Variants in SNX7 observed in about 807,000 individuals in gnomAD.
SNX7 encodes the protein sorting nexin 7.
In SNX7, 35 loss-of-function variants were observed where a neutral mutation model predicts 48.4. The ratio of observed to expected loss-of-function variants is 0.72; its 90% CI spans 0.55 to 0.96. The LOEUF (loss-of-function observed/expected upper bound fraction) is 0.96, where lower values mean the gene tolerates loss of function less well. Ranked by LOEUF, SNX7 falls within the 40% of genes least tolerant of loss-of-function variation. The probability of loss-of-function intolerance (pLI) is 0.00; values close to 1 mark genes in which losing one functional copy is unlikely to be tolerated. For synonymous variants in SNX7, 190 were observed against 190.2 expected (o/e 1.00, Z 0.01); for missense variants, 553 against 548.9 (o/e 1.01, Z -0.07).
chr1:98,667,317 T>G (rs1649587993), intron 1 of SNX7, among the ~76,000 whole-genome samples: 1 of 152,180 alleles, frequency 6.6e-6, no homozygotes, highest in African/African-American at 2.4e-5. Context: ...GAAAGCTCCA[T>G]TAGTCATTGT....
At chr1:98,716,250 A>G (rs1430318503) in intron 7 of SNX7, among the ~76,000 whole-genome samples, 1 of 151,978 alleles carries the variant, frequency 6.6e-6, no homozygotes, top group African/African-American at 2.4e-5. Flanking sequence ...CTGTTTCCCC[A>G]TGGTAGGTTT....
intron 5 of SNX7, among the ~76,000 whole-genome samples, chr1:98,696,355 A>G (rs1209885533): frequency 6.6e-6 from 1 of 152,120 alleles, no homozygotes. Context: ...GACAAACAAA[A>G]GTTCCTAAGT....
intron 5 of SNX7, among the ~76,000 whole-genome samples, chr1:98,697,057 A>G (rs9324400): frequency 0.26 from 39,175 of 151,974 alleles, 5,438 homozygotes; most frequent in South Asian, 0.31. Flanking sequence ...AAACATAAAT[A>G]TTGTTCAGGT....
chr1:98,721,164 C>T lies in SNX7; in HGVS notation c.1126-17073C>T, dbSNP rs189367579. ...AAATCTGGTACTTTTTGAGTACTGA[C>T]ATGACGCTCACAGGAATGCTCTTTG... On this transcript the variant is annotated intron_variant, in intron 7 of 8. Coordinates refer to ENST00000306121, the MANE Select transcript of SNX7 (RefSeq NM_015976.5). 1.6e-3 allele frequency among the ~76,000 whole-genome samples: 242 copies of T among 152,184 alleles called. 3 individuals carry two copies. Among genetic ancestry groups the T allele is most frequent in the African/African-American group, 5.5e-3 (230 of 41,554 alleles).
In SNX7 at chr1:98,760,112, C is replaced by T. The variant is rs779694977; in HGVS notation, c.1337C>T (p.Ala446Val). The T allele has an allele frequency of 6.2e-7, 1 of 1,608,954 alleles. No homozygotes were observed. The change falls in exon 9 of 9, where the codon GCC becomes GTC. Residue 446 changes from alanine to valine, a missense_variant. Physicochemically the swap from Ala to Val is moderately conservative, Grantham distance 64 (BLOSUM62 0). Coordinates refer to ENST00000306121, the MANE Select transcript of SNX7 (RefSeq NM_015976.5). Reference protein sequence around the residue: ...TSQTNLHLEEASEDKP With the variant: ...TSQTNLHLEEVSEDKP Reference sequence around the variant, plus strand: ...CAGACCAACCTTCACTTGGAAGAAGCCTCTGAAGATAAACCTTAATCCCAT... The same window carrying T: ...CAGACCAACCTTCACTTGGAAGAAGTCTCTGAAGATAAACCTTAATCCCAT...
chr1:98,706,722 T>C (rs1277570875), intron 7 of SNX7, among the ~76,000 whole-genome samples: 1 of 151,844 alleles, frequency 6.6e-6, no homozygotes, highest in Non-Finnish European at 1.5e-5. Context: ...TGTTAAGGGG[T>C]CAGAAGCTGA....
At chr1:98,741,448 A>G (rs933593055) in intron 8 of SNX7, among the ~76,000 whole-genome samples, 1 of 152,174 alleles carries the variant, frequency 6.6e-6, no homozygotes, top group Non-Finnish European at 1.5e-5. Context: ...ACTTAGATGT[A>G]TGAATTTATT....
Position 98,667,778 on chromosome 1 carries a change from C to T in SNX7, c.180+5867C>T, listed in dbSNP as rs142297179. On this transcript the variant is annotated intron_variant, in intron 1 of 8. Coordinates refer to ENST00000306121, the MANE Select transcript of SNX7 (RefSeq NM_015976.5). ...TAAGGCAAGTAACTTAATGTCAATG[C>T]GTCAGATTTTTCATCTGTAAAATGA... Among the ~76,000 whole-genome samples, 7 of 152,170 alleles carry T rather than the reference C, an allele frequency of 4.6e-5. No individual in the cohort carries two copies. The East Asian group carries it at 5.8e-4, about 13-fold the overall frequency.
intron 7 of SNX7, among the ~76,000 whole-genome samples, chr1:98,726,196 C>A (rs184503551): frequency 1.3e-5 from 2 of 152,168 alleles, no homozygotes. Flanking sequence ...CACAGGACTT[C>A]AGAGCCCAGA....
intron 7 of SNX7, among the ~76,000 whole-genome samples, chr1:98,732,497 T>C (rs1323177478): frequency 1.3e-5 from 2 of 152,120 alleles, no homozygotes; most frequent in African/African-American, 2.4e-5. Context: ...AAGGTGAACA[T>C]AGAGTAGCGA....
intron 1 of SNX7, chr1:98,677,338 T>C (rs1317940661): frequency 1.3e-5 from 2 of 152,256 alleles, no homozygotes; most frequent in Non-Finnish European, 2.9e-5. Flanking sequence ...ATGACCAGTG[T>C]TGCCAATTGA....
rs984457156 is a variant in SNX7, at chr1:98,661,840, T to A, written c.109T>A (p.Ser37Thr). ...GGAPFPGSSG[S>T]SALLQAEVLD... The stretch of plus-strand genomic sequence containing the variant: ...CGCCCCCTTTCCGGGCAGCAGTGGC[T>A]CTTCCGCCCTGCTGCAGGCGGAGGT... Residue 37 changes from serine (S) to threonine (T), a missense_variant, in exon 1 of 9, where the codon TCT (serine) becomes ACT (threonine). By Grantham distance (58) the Ser-to-Thr change is moderately conservative. Coordinates refer to ENST00000306121, the MANE Select transcript of SNX7 (RefSeq NM_015976.5). 2.2e-5 allele frequency: 27 copies of A among 1,246,058 alleles called. No homozygotes were observed. Among genetic ancestry groups the A allele is most frequent in the Non-Finnish European group, 2.6e-5 (26 of 987,280 alleles). The allele number at this position is 1,246,058 out of a possible 1,614,324, so 77.2% of individuals were successfully genotyped here.
chr1:98,711,049 C>T (rs541254472), intron 7 of SNX7, among the ~76,000 whole-genome samples: 1 of 152,228 alleles, frequency 6.6e-6, no homozygotes, highest in Non-Finnish European at 1.5e-5. Context: ...CAGAATCTAG[C>T]TCTGTCACCC....
At chr1:98,691,939 T>A (rs5003677) in intron 4 of SNX7, among the ~76,000 whole-genome samples, 33,419 of 106,526 alleles carry the variant, frequency 0.31, 4,162 homozygotes, top group Non-Finnish European at 0.33. Flanking sequence ...ACACACACAC[T>A]CTCTCTCTCT....
intron 1 of SNX7, among the ~76,000 whole-genome samples, chr1:98,675,335 T>C (rs981850453): frequency 6.6e-6 from 1 of 152,224 alleles, no homozygotes; most frequent in Admixed American, 6.5e-5. Context: ...GTCAGTTTTA[T>C]TGAGGTTTTA....
At chr1:98,680,557 T>C (rs898626139) in intron 1 of SNX7, among the ~76,000 whole-genome samples, 3 of 152,224 alleles carry the variant, frequency 2.0e-5, no homozygotes, top group African/African-American at 4.8e-5. Flanking sequence ...CCGCTTCCCT[T>C]GTAAAACTAA....
intron 8 of SNX7, among the ~76,000 whole-genome samples, chr1:98,749,626 C>A (rs1053088494): frequency 9.9e-5 from 15 of 151,992 alleles, no homozygotes; most frequent in African/African-American, 3.6e-4. Flanking sequence ...TTTTCTCTGG[C>A]AATATCAACT....
At chr1:98,666,649 A>C (rs72967794) in intron 1 of SNX7, among the ~76,000 whole-genome samples, 2 of 152,106 alleles carry the variant, frequency 1.3e-5, no homozygotes, top group African/African-American at 2.4e-5. Flanking sequence ...ATGCTCTTCT[A>C]TGATGTGACC....
chr1:98,752,382 ATTGG>A (rs545909271), intron 8 of SNX7, among the ~76,000 whole-genome samples: 47 of 152,164 alleles, frequency 3.1e-4, no homozygotes, highest in African/African-American at 9.9e-4. Context: ...AATATTAAAC[ATTGG>A]TGGAAACAGG....
Sources: gnomAD v4.1 joint callset for allele counts (sites outside exome capture counted in the v4.1 genomes callset) on GRCh38, gnomAD v4.1.1 for gene constraint, MANE v1.5 for transcripts, NCBI Gene and HGNC (gene_info 2026-07-23, HGNC 2026-07-21) for gene names.